The following PCDHGA6 variants were observed in gnomAD, a reference collection of about 807,000 sequenced individuals.
PCDHGA6 encodes the protein protocadherin gamma-A6.
Under a neutral mutation model 60.6 loss-of-function variants are expected in PCDHGA6, and 41 were observed. That is an observed-to-expected ratio of 0.68 (90% CI 0.53 to 0.88). The LOEUF (loss-of-function observed/expected upper bound fraction) is 0.88. PCDHGA6 is among the 40% of genes least tolerant of loss of function. PCDHGA6 has a pLI of 0.00. For synonymous variants in PCDHGA6, 594 were observed against 524.4 expected, an observed-to-expected ratio of 1.13 and a Z score of -1.81; for missense variants, 1,312 against 1,203.0, an observed-to-expected ratio of 1.09 and a Z score of -1.34.
At position 141,511,247 on chromosome 5, in the gene PCDHGA6, C is replaced by A; in HGVS notation, c.*74C>A. The A allele has an allele frequency of 1.3e-6, 2 of 1,577,162 alleles. No individual in the cohort carries two copies. The highest frequency in any genetic ancestry group is 1.7e-6 in the Non-Finnish European group (2 of 1,161,712). On this transcript the variant is annotated 3_prime_UTR_variant, in exon 4 of 4. Transcript: ENST00000517434. Reference sequence around the variant, plus strand: ...CAGCTTCTCCTTACCTGCACCCAGGCCTCAGAGTTTCAGGGCTAACCCCCA... The same window carrying A: ...CAGCTTCTCCTTACCTGCACCCAGGACTCAGAGTTTCAGGGCTAACCCCCA...
chr5:141,395,391 A>G, intron 1 of PCDHGA6: 2 of 944,730 alleles, frequency 2.1e-6, no homozygotes, highest in Non-Finnish European at 3.1e-6. Flanking sequence ...ATAAAATTGA[A>G]CTCTAATAGT....
At chr5:141,495,719 C>T (rs929450759) in intron 2 of PCDHGA6, among the ~76,000 whole-genome samples, 12 of 152,150 alleles carry the variant, frequency 7.9e-5, no homozygotes, top group African/African-American at 2.4e-5. Context: ...AGTAACTACA[C>T]GGGACCCTTA....
In PCDHGA6 at chr5:141,485,066, G is replaced by A. The variant is rs907517904; in HGVS notation, c.2425-9741G>A. On this transcript the variant is annotated intron_variant, in intron 1 of 3. Coordinates refer to ENST00000517434, the MANE Select transcript of PCDHGA6 (RefSeq NM_018919.3). This position sits in a 1 kb window ranked among gnomAD's most constrained non-coding sequence, Gnocchi z 5.7. Reference sequence around the variant, plus strand: ...GCGGCGCCGGCCGAACCGCGCCAGAGCTGGCGCGGGGAAAGGGAGATAGGT... The same window carrying A: ...GCGGCGCCGGCCGAACCGCGCCAGAACTGGCGCGGGGAAAGGGAGATAGGT... 1 of 885,622 alleles carries A rather than the reference G, an allele frequency of 1.1e-6. No individual in the cohort carries two copies. Among genetic ancestry groups the A allele is most frequent in the Non-Finnish European group, 1.8e-6 (1 of 559,820 alleles). 54.9% of individuals were successfully genotyped at this position (885,622 alleles called of 1,614,324 possible).
At chr5:141,506,226 G>A (rs1248069119) in intron 3 of PCDHGA6, among the ~76,000 whole-genome samples, 3 of 152,152 alleles carry the variant, frequency 2.0e-5, no homozygotes, top group Non-Finnish European at 1.5e-5. Flanking sequence ...TGAGGCAGGA[G>A]GATCATGAGG....
intron 1 of PCDHGA6, chr5:141,427,310 C>A (rs989300491): frequency 2.2e-5 from 10 of 456,738 alleles, no homozygotes; most frequent in African/African-American, 1.8e-4. Flanking sequence ...ATGACAATGC[C>A]CCAGACGTGG....
intron 1 of PCDHGA6, chr5:141,413,625 C>T (rs372855865): frequency 1.2e-6 from 2 of 1,613,854 alleles, no homozygotes; most frequent in Admixed American, 3.3e-5. Context: ...ATGAAAATGT[C>T]GCTGCGGGAA....
intron 2 of PCDHGA6, among the ~76,000 whole-genome samples, chr5:141,504,997 AC>A (rs554150488): frequency 9.9e-5 from 15 of 152,238 alleles, no homozygotes; most frequent in African/African-American, 2.9e-4. Flanking sequence ...CCCCGTCTGT[AC>A]TAAAAATACA....
At chr5:141,414,773 A>G in intron 1 of PCDHGA6, 1 of 1,614,204 alleles carries the variant, frequency 6.2e-7, no homozygotes, top group Non-Finnish European at 8.5e-7. Flanking sequence ...CATGAGCTAC[A>G]GATGCAGGTG....
At chr5:141,498,971 GGGAAGGAAGGAAGGAAGGAA>G (rs201769957) in intron 2 of PCDHGA6, among the ~76,000 whole-genome samples, 1,566 of 111,048 alleles carry the variant, frequency 0.014, 32 homozygotes, top group African/African-American at 0.048. Flanking sequence ...GAGGGAGGGA[GGGAAGGAAGGAAGGAAGGAA>G]GGAAGGAAGG....
chr5:141,399,797 G>A (rs760211919), intron 1 of PCDHGA6: 1 of 1,613,192 alleles, frequency 6.2e-7, no homozygotes, highest in Non-Finnish European at 8.5e-7. Context: ...AACGCACCGC[G>A]GGTGCTGTAC....
At chr5:141,384,753 G>T (rs114533608) in intron 1 of PCDHGA6, 2 of 1,614,010 alleles carry the variant, frequency 1.2e-6, no homozygotes, top group African/African-American at 1.3e-5. Flanking sequence ...GACTCTTTGC[G>T]GTTGGGCTGT....
intron 1 of PCDHGA6, chr5:141,414,906 A>C (rs749933537): frequency 6.2e-7 from 1 of 1,614,146 alleles, no homozygotes; most frequent in Admixed American, 1.7e-5. Context: ...ACGGTTCCAC[A>C]GGCGTGGAGC....
At chr5:141,427,882 A>G (rs2097084180) in intron 1 of PCDHGA6, 3 of 1,563,878 alleles carry the variant, frequency 1.9e-6, no homozygotes, top group Non-Finnish European at 2.6e-6. Flanking sequence ...ATGCAGGCCC[A>G]CGACCAGGGC....
Position 141,375,277 on chromosome 5 carries a change from T to G in PCDHGA6, c.1194T>G (p.Val398=). 1.9e-6 allele frequency: 3 copies of G among 1,613,826 alleles called. No homozygotes were observed. Among genetic ancestry groups the G allele is most frequent in the Non-Finnish European group, 2.5e-6 (3 of 1,179,886 alleles). Residue 398 remains valine (V), a synonymous_variant, in exon 1 of 4, where the codon GTT becomes GTG. Transcript: ENST00000517434. ...RSLPFELEKS[V]GNYYRLVTNA... ...TCCCATTTGAATTGGAAAAATCAGTTGGCAATTATTATCGATTAGTGACAA... is the reference window on the plus strand; with the variant it reads ...TCCCATTTGAATTGGAAAAATCAGTGGGCAATTATTATCGATTAGTGACAA...
chr5:141,486,170 C>T lies in PCDHGA6; in HGVS notation c.2425-8637C>T, dbSNP rs759946548. The stretch of plus-strand genomic sequence containing the variant: ...TGGGGGTTCTCCAGCCATGGAGCAA[C>T]ATTGCAGCCTTCGAGTGGATCTGCT... On this transcript the variant is annotated intron_variant, in intron 1 of 3. Coordinates refer to ENST00000517434, the MANE Select transcript of PCDHGA6 (RefSeq NM_018919.3). This position sits in a 1 kb window ranked among gnomAD's most constrained non-coding sequence, Gnocchi z 5.0. The T allele has an allele frequency of 1.5e-5, 24 of 1,614,116 alleles. No individual in the cohort carries two copies. Among genetic ancestry groups the T allele is most frequent in the South Asian group, 4.4e-5 (4 of 91,090 alleles).
intron 1 of PCDHGA6, among the ~76,000 whole-genome samples, chr5:141,424,888 G>C (rs2096846233): frequency 6.6e-6 from 1 of 152,178 alleles, no homozygotes; most frequent in Non-Finnish European, 1.5e-5. Context: ...GACTTATCTA[G>C]GGTTTTTGAT....
chr5:141,479,469 C>T lies in PCDHGA6; in HGVS notation c.2425-15338C>T, dbSNP rs1218436564. 8 of 152,344 alleles carry T rather than the reference C, an allele frequency of 5.3e-5. No homozygotes were observed. In the East Asian group the frequency reaches 1.5e-3, roughly 29 times the overall value. 9.4% of individuals were successfully genotyped at this position (152,344 alleles called of 1,614,324 possible). On this transcript the variant is annotated intron_variant, in intron 1 of 3. Transcript: ENST00000517434. ...AAGTTCAGCATGAATACAGTGACCT[C>T]TTGGGAGGGCAGGACCATCAGGTTG...
chr5:141,393,534 G>T, intron 1 of PCDHGA6: 1 of 1,613,928 alleles, frequency 6.2e-7, no homozygotes, highest in Non-Finnish European at 8.5e-7. Context: ...CAATGCCCCG[G>T]TTTTTCCTCA....
At chr5:141,409,148 A>C (rs2154541051) in intron 1 of PCDHGA6, 1 of 1,614,056 alleles carries the variant, frequency 6.2e-7, no homozygotes. Context: ...AGAAAGGTAC[A>C]CCATGGAAGT....
Sources: allele counts gnomAD v4.1 joint callset (sites outside exome capture counted in the v4.1 genomes callset), GRCh38; gene constraint gnomAD v4.1.1; non-coding constraint Gnocchi (gnomAD v3.1); transcripts MANE v1.5; gene names NCBI Gene and HGNC (gene_info 2026-07-23, HGNC 2026-07-21).